Variants in ZKSCAN4 observed in about 807,000 individuals in gnomAD.
The protein encoded by ZKSCAN4 is zinc finger protein with KRAB and SCAN domains 4.
A neutral mutation model predicts 30.8 loss-of-function variants in ZKSCAN4; 23 were observed. That is an observed-to-expected ratio of 0.75 (90% CI 0.54 to 1.06). The LOEUF is 1.06. Ranked by LOEUF, ZKSCAN4 falls within the 50% of genes least tolerant of loss-of-function variation. ZKSCAN4 has a pLI of 0.00. For synonymous variants in ZKSCAN4, 208 were observed against 252.5 expected, an observed-to-expected ratio of 0.82 and a Z score of 1.67; for missense variants, 556 against 665.4, an observed-to-expected ratio of 0.84 and a Z score of 1.81.
chr6:28,249,702 G>A lies in ZKSCAN4; in HGVS notation c.556C>T (p.Pro186Ser), dbSNP rs1561860572. Reference protein sequence around the residue: ...LFKHESLGSQPLHDRVLQVPG... With the variant: ...LFKHESLGSQSLHDRVLQVPG... The stretch of plus-strand genomic sequence containing the variant: ...GAATACTCACCTCTATCGTGTAAGG[G>A]CTGGGATCCCAGAGATTCATGCTTG... Residue 186 changes from proline (P) to serine (S), a missense_variant, in exon 2 of 5, where the codon CCC becomes TCC. By Grantham distance (74) the Pro-to-Ser change is moderately conservative. Transcript: ENST00000377294. The surrounding 1 kb of genome is among the most constrained non-coding windows in gnomAD (Gnocchi z 4.1). 6.2e-7 allele frequency: 1 copy of A among 1,614,044 alleles called. No individual in the cohort carries two copies.
upstream of ZKSCAN4, among the ~76,000 whole-genome samples, chr6:28,253,383 T>G (rs1156279409): frequency 6.6e-6 from 1 of 152,214 alleles, no homozygotes; most frequent in Non-Finnish European, 1.5e-5. The surrounding 1 kb of genome is among the most constrained non-coding windows in gnomAD (Gnocchi z 4.2). Context: ...ATTCCAAGGA[T>G]TAAGAAATAA....
the ZKSCAN4 span, among the ~76,000 whole-genome samples, chr6:28,257,741 G>A: frequency 1.3e-5 from 2 of 152,124 alleles, no homozygotes; most frequent in Non-Finnish European, 2.9e-5. Context: ...CCAGCCCCTA[G>A]TCTAGGTCAT....
In ZKSCAN4 at chr6:28,249,338, C is replaced by G. The variant is rs1253520389; in HGVS notation, c.571+349G>C. 6.6e-6 allele frequency among the ~76,000 whole-genome samples: 1 copy of G among 152,156 alleles called. No individual in the cohort carries two copies. Among genetic ancestry groups the G allele is most frequent in the African/African-American group, 2.4e-5 (1 of 41,430 alleles). ...TCTATCCTCCCTGCTAGAATGTAAGCTCCATCAAAGCAAGAATTCTGTCTT... is the reference window on the plus strand; with the variant it reads ...TCTATCCTCCCTGCTAGAATGTAAGGTCCATCAAAGCAAGAATTCTGTCTT... On this transcript the variant is annotated intron_variant, in intron 2 of 4. Transcript: ENST00000377294. This position sits in a 1 kb window ranked among gnomAD's most constrained non-coding sequence, Gnocchi z 4.1.
intron 1 of ZKSCAN4, among the ~76,000 whole-genome samples, chr6:28,250,738 T>C (rs951271343): frequency 2.6e-5 from 4 of 152,216 alleles, no homozygotes; most frequent in Admixed American, 6.5e-5. Context: ...AGTTACTGTC[T>C]CACGTGCAGC....
Position 28,249,746 on chromosome 6 carries a change from T to A in ZKSCAN4, c.512A>T (p.Gln171Leu), listed in dbSNP as rs1484373193. 6.2e-7 allele frequency: 1 copy of A among 1,614,080 alleles called. No individual in the cohort carries two copies. Among genetic ancestry groups the A allele is most frequent in the African/African-American group, 1.3e-5 (1 of 74,930 alleles). The change falls in exon 2 of 5, where the codon CAG (glutamine) becomes CTG (leucine). Residue 171 changes from glutamine (Q) to leucine (L), a missense_variant. Around this residue, in one of 3 missense-constraint regions of ZKSCAN4, gnomAD observed 433 missense variants for 511.5 expected, o/e 0.85. Coordinates refer to ENST00000377294, the MANE Select transcript of ZKSCAN4 (RefSeq NM_019110.5). The surrounding 1 kb of genome is among the most constrained non-coding windows in gnomAD (Gnocchi z 4.1). ...ATGCTTGAACAGAGCCTTCATTGGC[T>A]GGCACTGGCTACTTTGAGACCCTTG... Reference protein sequence around the residue: ...QTQGSQSSQCQPMKALFKHES... With the variant: ...QTQGSQSSQCLPMKALFKHES...
rs1760523225 is a variant in ZKSCAN4, at chr6:28,242,280, T to C, written c.*2836A>G. On this transcript the variant is annotated 3_prime_UTR_variant, in exon 5 of 5. Coordinates refer to ENST00000377294, the MANE Select transcript of ZKSCAN4 (RefSeq NM_019110.5). Reference sequence around the variant, plus strand: ...ATAACTTTTTTGGCCATCCTTTCAATAGGCTACAGATAAACTCATTTTATA... The same window carrying C: ...ATAACTTTTTTGGCCATCCTTTCAACAGGCTACAGATAAACTCATTTTATA... Among the ~76,000 whole-genome samples the C allele has an allele frequency of 6.6e-6, 1 of 152,206 alleles. No homozygotes were observed. Among genetic ancestry groups the C allele is most frequent in the Non-Finnish European group, 1.5e-5 (1 of 68,018 alleles).
chr6:28,244,999 C>T lies in ZKSCAN4; in HGVS notation c.*117G>A, dbSNP rs555470395. ...CAGCCAGACTACATTTTCTAATACCCGATGATGTATAGTGGTAAATAAAGC... is the reference window on the plus strand; with the variant it reads ...CAGCCAGACTACATTTTCTAATACCTGATGATGTATAGTGGTAAATAAAGC... On this transcript the variant is annotated 3_prime_UTR_variant, in exon 5 of 5. Transcript: ENST00000377294. 363 of 1,253,194 alleles carry T rather than the reference C, an allele frequency of 2.9e-4. No individual in the cohort carries two copies. In the African/African-American group the frequency reaches 4.8e-3, roughly 16 times the overall value. 77.6% of individuals were successfully genotyped at this position (1,253,194 alleles called of 1,614,324 possible).
upstream of ZKSCAN4, among the ~76,000 whole-genome samples, chr6:28,254,030 C>T (rs1171047085): frequency 6.6e-6 from 1 of 152,126 alleles, no homozygotes; most frequent in Non-Finnish European, 1.5e-5. Context: ...ATCAATCAGC[C>T]AAATCCAACA....
chr6:28,245,641 A>G lies in ZKSCAN4; in HGVS notation c.1113T>C (p.Thr371=), dbSNP rs201509943. The G allele has an allele frequency of 1.1e-5, 18 of 1,614,118 alleles. No homozygotes were observed. The East Asian group carries it at 4.0e-4, about 36-fold the overall frequency. ...SALVIHQRVH[T]GEKPYECEEC... is the part of the protein sequence containing the mutation. ...CTTCACACTCATATGGCTTCTCACC[A>G]GTGTGGACTCTCTGATGAATGACAA... Residue 371 remains threonine, a synonymous_variant, in exon 5 of 5, where the codon ACT becomes ACC. Transcript: ENST00000377294.
chr6:28,259,188 A>C, the ZKSCAN4 span: 1 of 551,762 alleles, frequency 1.8e-6, no homozygotes, highest in African/African-American at 1.9e-5. Context: ...CCTACTTCCC[A>C]CAAGAAGCCT....
chr6:28,249,867 C>A lies in ZKSCAN4; in HGVS notation c.424-33G>T. 6.2e-7 allele frequency: 1 copy of A among 1,610,776 alleles called. No homozygotes were observed. Among genetic ancestry groups the A allele is most frequent in the Non-Finnish European group, 8.5e-7 (1 of 1,178,848 alleles). On this transcript the variant is annotated intron_variant, in intron 1 of 4. Coordinates refer to ENST00000377294, the MANE Select transcript of ZKSCAN4 (RefSeq NM_019110.5). The surrounding 1 kb of genome is among the most constrained non-coding windows in gnomAD (Gnocchi z 4.1). ...TCACGATTTTTAGTTATCTACCCAA[C>A]ATTTCTATGTTTTCCATGTGCAAGT...
chr6:28,251,977 C>T lies in ZKSCAN4; in HGVS notation c.4G>A (p.Ala2Thr). The change falls in exon 1 of 5, where the codon GCT becomes ACT. Residue 2 changes from alanine (A) to threonine (T), a missense_variant. Ala to Thr is a moderately conservative substitution (Grantham distance 58). Coordinates refer to ENST00000377294, the MANE Select transcript of ZKSCAN4 (RefSeq NM_019110.5). This position sits in a 1 kb window ranked among gnomAD's most constrained non-coding sequence, Gnocchi z 4.5. ...GCTGCGTTTTTTCTCGGTTCTCTAG[C>T]CATTCTGACCCAAGGCAGTACTCGG... M[A>T]REPRKNAALD... 6.6e-7 allele frequency: 1 copy of T among 1,518,764 alleles called. No individual in the cohort carries two copies. The highest frequency in any genetic ancestry group is 1.4e-5 in the African/African-American group (1 of 71,762). The allele number at this position is 1,518,764 out of a possible 1,614,324, so 94.1% of individuals were successfully genotyped here.
the ZKSCAN4 span, among the ~76,000 whole-genome samples, chr6:28,257,856 T>C: frequency 1.3e-5 from 2 of 152,220 alleles, no homozygotes; most frequent in Non-Finnish European, 2.9e-5. Flanking sequence ...CTACATCAGA[T>C]ACTAAATGGC....
intron 3 of ZKSCAN4, among the ~76,000 whole-genome samples, 175 bp from the exon 4 acceptor site, chr6:28,247,267 A>G (rs1243152941): frequency 1.3e-5 from 2 of 152,250 alleles, no homozygotes; most frequent in African/African-American, 4.8e-5. Flanking sequence ...AATGAAAGAA[A>G]TATTACACAC....
chr6:28,251,099 A>G lies in ZKSCAN4; in HGVS notation c.423+459T>C, dbSNP rs903210213. On this transcript the variant is annotated intron_variant, in intron 1 of 4. Transcript: ENST00000377294. The surrounding 1 kb of genome is among the most constrained non-coding windows in gnomAD (Gnocchi z 4.5). Reference sequence around the variant, plus strand: ...TACTGGTCTTTAAGAGAGAGTTAACATTTCCTTCAATTATGAATGGAAGCA... The same window carrying G: ...TACTGGTCTTTAAGAGAGAGTTAACGTTTCCTTCAATTATGAATGGAAGCA... Among the ~76,000 whole-genome samples, 2 of 152,316 alleles carry G rather than the reference A, an allele frequency of 1.3e-5. No homozygotes were observed. Among genetic ancestry groups the G allele is most frequent in the African/African-American group, 2.4e-5 (1 of 41,572 alleles).
intron 1 of ZKSCAN4, among the ~76,000 whole-genome samples, chr6:28,250,159 C>T (rs1581586785): frequency 1.3e-5 from 2 of 151,854 alleles, no homozygotes; most frequent in Admixed American, 6.6e-5. Context: ...CTTCCGCCTC[C>T]GGGGTTCAAG....
upstream of ZKSCAN4, among the ~76,000 whole-genome samples, chr6:28,256,405 T>C (rs574803681): frequency 7.9e-5 from 12 of 152,122 alleles, no homozygotes; most frequent in Non-Finnish European, 1.6e-4. Context: ...CACTCTAGCA[T>C]GGGCAACAGA....
At chr6:28,255,182 G>A (rs567152951), upstream of ZKSCAN4, among the ~76,000 whole-genome samples, 1 of 152,322 alleles carries the variant, frequency 6.6e-6, no homozygotes, top group South Asian at 2.1e-4. Flanking sequence ...TCAGGGGTCA[G>A]GGGACTTAAA....
chr6:28,247,210 C>T, intron 3 of ZKSCAN4, 118 bp from the exon 4 acceptor site: 1 of 1,146,620 alleles, frequency 8.7e-7, no homozygotes, highest in East Asian at 2.6e-5. Flanking sequence ...ACACCTACAC[C>T]AATTTAGCTT....
Sources: gnomAD v4.1 joint callset for allele counts (sites outside exome capture counted in the v4.1 genomes callset) on GRCh38, gnomAD v4.1.1 for gene constraint, gnomAD v4.1.1 regional missense constraint, Gnocchi (gnomAD v3.1) non-coding constraint, MANE v1.5 for transcripts, NCBI Gene and HGNC (gene_info 2026-07-23, HGNC 2026-07-21) for gene names.